The following SLC60A1 variants were observed in gnomAD, a reference collection of about 807,000 sequenced individuals.
SLC60A1 encodes solute carrier family 60 member 1, also known as major facilitator superfamily domain containing 4.
chr1:205,570,138 C>T, the SLC60A1 span, among the ~76,000 whole-genome samples: 1 of 152,206 alleles, frequency 6.6e-6, no homozygotes, highest in Non-Finnish European at 1.5e-5. Flanking sequence ...AGAAATCCCC[C>T]TTTGACACTA....
At chr1:205,591,923 C>T in the SLC60A1 span, 7 of 556,150 alleles carry the variant, frequency 1.3e-5, no homozygotes, top group Non-Finnish European at 2.2e-5. Context: ...GATGTCTAGG[C>T]GGGGGTCTCC....
At chr1:205,592,083 C>T in the SLC60A1 span, 1 of 1,602,774 alleles carries the variant, frequency 6.2e-7, no homozygotes, top group African/African-American at 1.3e-5. Flanking sequence ...GGCGGTTCCT[C>T]ACCACCGATG....
At chr1:205,580,517 T>TGGGC in the SLC60A1 span, 1 of 1,064,618 alleles carries the variant, frequency 9.4e-7, no homozygotes, top group South Asian at 1.6e-5. This position sits in a 1 kb window ranked among gnomAD's most constrained non-coding sequence, Gnocchi z 5.0. Flanking sequence ...ATTCCAGGGC[T>TGGGC]GGGCAACAGC....
the SLC60A1 span, chr1:205,600,551 GCT>G: frequency 7.5e-7 from 1 of 1,339,004 alleles, no homozygotes; most frequent in Non-Finnish European, 1.1e-6. Flanking sequence ...TGGTGGAGGC[GCT>G]CTCTCAATGG....
At chr1:205,593,560 C>T in the SLC60A1 span, among the ~76,000 whole-genome samples, 1 of 151,946 alleles carries the variant, frequency 6.6e-6, no homozygotes, top group African/African-American at 2.4e-5. Context: ...CAGTTATCCA[C>T]AGCCTGGATC....
chr1:205,576,403 C>T, the SLC60A1 span, among the ~76,000 whole-genome samples: 6 of 152,144 alleles, frequency 3.9e-5, no homozygotes, highest in African/African-American at 7.2e-5. Flanking sequence ...ATGGACTCCT[C>T]GTGGCAGCCC....
the SLC60A1 span, chr1:205,599,014 G>A: frequency 7.5e-7 from 1 of 1,326,680 alleles, no homozygotes; most frequent in Non-Finnish European, 1.0e-6. Context: ...ATCTCTTGGT[G>A]TGACGGGCCT....
the SLC60A1 span, among the ~76,000 whole-genome samples, chr1:205,576,713 T>C: frequency 5.3e-5 from 8 of 152,234 alleles, no homozygotes; most frequent in African/African-American, 7.2e-5. Flanking sequence ...TCCTTTTCCT[T>C]GGCAACAGCA....
chr1:205,581,237 T>G, the SLC60A1 span, among the ~76,000 whole-genome samples: 1 of 152,210 alleles, frequency 6.6e-6, no homozygotes, highest in Non-Finnish European at 1.5e-5. The surrounding 1 kb of genome is among the most constrained non-coding windows in gnomAD (Gnocchi z 4.2). Flanking sequence ...CCAGATGAAG[T>G]GGACCCTGGA....
At chr1:205,597,393 T>G in the SLC60A1 span, among the ~76,000 whole-genome samples, 1 of 141,388 alleles carries the variant, frequency 7.1e-6, no homozygotes, top group African/African-American at 2.7e-5. Context: ...TTTTTTTTTT[T>G]TTTTTTTCGT....
chr1:205,571,832 C>T, the SLC60A1 span, among the ~76,000 whole-genome samples: 3 of 152,362 alleles, frequency 2.0e-5, no homozygotes, highest in Non-Finnish European at 4.4e-5. Flanking sequence ...TACCAGCTAA[C>T]GCTCTCACTT....
chr1:205,577,199 G>A, the SLC60A1 span, among the ~76,000 whole-genome samples: 8 of 152,106 alleles, frequency 5.3e-5, 1 homozygote, highest in Middle Eastern at 0.01. This position sits in a 1 kb window ranked among gnomAD's most constrained non-coding sequence, Gnocchi z 5.2. Context: ...CTGGCAACCC[G>A]TCCCTACATG....
At chr1:205,584,246 A>T in the SLC60A1 span, 6 of 1,087,180 alleles carry the variant, frequency 5.5e-6, no homozygotes, top group Non-Finnish European at 7.6e-6. Flanking sequence ...TTTGAGACAG[A>T]GTTTCACTCT....
At chr1:205,596,420 G>A in the SLC60A1 span, among the ~76,000 whole-genome samples, 2 of 151,822 alleles carry the variant, frequency 1.3e-5, no homozygotes, top group African/African-American at 2.4e-5. Context: ...CCAACATGGT[G>A]GAACCCCATC....
At chr1:205,573,498 A>G in the SLC60A1 span, among the ~76,000 whole-genome samples, 1 of 152,176 alleles carries the variant, frequency 6.6e-6, no homozygotes, top group Non-Finnish European at 1.5e-5. Context: ...ATACTGACAC[A>G]TGCTATACCA....
the SLC60A1 span, chr1:205,600,251 C>T: frequency 7.1e-4 from 453 of 636,174 alleles, no homozygotes; most frequent in Admixed American, 1.5e-3. Context: ...ACCAACTGTT[C>T]GCCAGAACTA....
the SLC60A1 span, among the ~76,000 whole-genome samples, chr1:205,591,118 C>T: frequency 6.6e-6 from 1 of 152,126 alleles, no homozygotes; most frequent in Non-Finnish European, 1.5e-5. Flanking sequence ...GACATAAAAA[C>T]GTGTTTAAAG....
At chr1:205,573,511 G>T in the SLC60A1 span, among the ~76,000 whole-genome samples, 1 of 152,082 alleles carries the variant, frequency 6.6e-6, no homozygotes, top group Non-Finnish European at 1.5e-5. Flanking sequence ...CTATACCATG[G>T]ATGATCTGGA....
At chr1:205,571,719 C>A in the SLC60A1 span, among the ~76,000 whole-genome samples, 8 of 152,344 alleles carry the variant, frequency 5.3e-5, no homozygotes, top group East Asian at 1.5e-3. Context: ...CAGCCAGAAG[C>A]TCCACCAGCC....
Sources: allele counts gnomAD v4.1 joint callset (sites outside exome capture counted in the v4.1 genomes callset), GRCh38; gene constraint gnomAD v4.1.1; non-coding constraint Gnocchi (gnomAD v3.1); transcripts MANE v1.5; gene names NCBI Gene and HGNC (gene_info 2026-07-23, HGNC 2026-07-21).